The following TET1 variants were observed in gnomAD, a reference collection of about 807,000 sequenced individuals.
TET1 encodes the protein methylcytosine dioxygenase TET1.
TET1 carries 13 observed loss-of-function variants against 148.7 expected under a neutral mutation model. The ratio of observed to expected loss-of-function variants is 0.09; its 90% CI spans 0.06 to 0.14. The LOEUF is 0.14. Among genes scored for constraint, TET1 ranks in the 10% least tolerant of loss-of-function variants. TET1 has a pLI of 1.00. For synonymous variants in TET1, 907 were observed against 937.2 expected (o/e 0.97, Z 0.59); for missense variants, 2,182 against 2,553.8 (o/e 0.85, Z 3.14).
intron 2 of TET1, among the ~76,000 whole-genome samples, chr10:68,575,797 C>T (rs1268867190): frequency 1.3e-5 from 2 of 149,646 alleles, no homozygotes; most frequent in Non-Finnish European, 3.0e-5. Context: ...CGAGGTGGGC[C>T]GATCACAAGG....
chr10:68,595,611 TC>T lies in TET1; in HGVS notation c.1915-5369del, dbSNP rs1292572303. On this transcript the variant is annotated intron_variant, in intron 2 of 11. Transcript: ENST00000373644. Reference sequence around the variant, plus strand: ...CCACAACACACACACACACACAGCTTCTTTTTTTTTTTTTTTTTTTTTTGAG... The same window carrying T: ...CCACAACACACACACACACACAGCTTTTTTTTTTTTTTTTTTTTTTTTGAG... Among the ~76,000 whole-genome samples the T allele has an allele frequency of 1.0e-3, 117 of 113,252 alleles. 2 individuals carry two copies. The highest frequency in any genetic ancestry group is 1.7e-3 in the Non-Finnish European group (86 of 50,084). The allele number at this position is 113,252 out of a possible 152,430, so 74.3% of individuals were successfully genotyped here.
intron 2 of TET1, among the ~76,000 whole-genome samples, chr10:68,576,019 C>CAA (rs534082686): frequency 8.5e-5 from 8 of 94,290 alleles, no homozygotes; most frequent in African/African-American, 2.2e-4. Flanking sequence ...GACTCCATCT[C>CAA]AAAAAAAAAA....
chr10:68,641,959 C>T (rs905542468), intron 3 of TET1, among the ~76,000 whole-genome samples: 6 of 152,106 alleles, frequency 3.9e-5, no homozygotes, highest in Admixed American at 1.3e-4. Context: ...CCACTGCATG[C>T]GGCTCTTTGT....
intron 2 of TET1, among the ~76,000 whole-genome samples, chr10:68,592,999 G>T (rs1413622242): frequency 6.6e-6 from 1 of 152,040 alleles, no homozygotes; most frequent in Non-Finnish European, 1.5e-5. Flanking sequence ...ACTTTCAGAG[G>T]CCAAGGCAGG....
intron 3 of TET1, among the ~76,000 whole-genome samples, chr10:68,627,466 G>C (rs1162381290): frequency 6.6e-6 from 1 of 151,680 alleles, no homozygotes; most frequent in Non-Finnish European, 1.5e-5. Flanking sequence ...TATGGTGCTG[G>C]ACGCCTGTAA....
chr10:68,579,030 ACTAC>A (rs1481269149), intron 2 of TET1, among the ~76,000 whole-genome samples: 1 of 152,086 alleles, frequency 6.6e-6, no homozygotes, highest in Non-Finnish European at 1.5e-5. Context: ...AAAAATAATA[ACTAC>A]CTTACTGAAA....
intron 8 of TET1, among the ~76,000 whole-genome samples, chr10:68,678,299 A>G (rs1216539099): frequency 6.6e-6 from 1 of 152,234 alleles, no homozygotes; most frequent in East Asian, 1.9e-4. Context: ...TAGAGGGCAG[A>G]TCAGTAATTC....
Position 68,688,732 on chromosome 10 carries a change from C to T in TET1, c.5404+2025C>T, listed in dbSNP as rs190481231. 3.8e-3 allele frequency among the ~76,000 whole-genome samples: 574 copies of T among 152,202 alleles called. 2 individuals are homozygous for T. The highest frequency in any genetic ancestry group is 0.013 in the African/African-American group (542 of 41,520). Reference sequence around the variant, plus strand: ...GGATTACAGGCGTGAGCCACCGTGCCCGGCCTACTTTCTTAACTTCTATAA... The same window carrying T: ...GGATTACAGGCGTGAGCCACCGTGCTCGGCCTACTTTCTTAACTTCTATAA... On this transcript the variant is annotated intron_variant, in intron 11 of 11. Coordinates refer to ENST00000373644, the MANE Select transcript of TET1 (RefSeq NM_030625.3).
intron 1 of TET1, among the ~76,000 whole-genome samples, chr10:68,564,475 C>T (rs754999751): frequency 2.0e-5 from 3 of 152,002 alleles, no homozygotes; most frequent in Admixed American, 6.6e-5. Context: ...TTGTTTAGGG[C>T]GTCTTGGTGC....
chr10:68,612,397 T>G (rs573372596), intron 3 of TET1, among the ~76,000 whole-genome samples: 1 of 152,038 alleles, frequency 6.6e-6, no homozygotes, highest in Non-Finnish European at 1.5e-5. Context: ...GCCAGTCATT[T>G]TGTTTTAATG....
chr10:68,625,285 C>T (rs79084652), intron 3 of TET1, among the ~76,000 whole-genome samples: 6,183 of 152,168 alleles, frequency 0.041, 427 homozygotes, highest in African/African-American at 0.14. Context: ...TGTCTCAAGC[C>T]GATTTGTTTG....
chr10:68,568,751 T>C lies in TET1; in HGVS notation c.-122-3466T>C, dbSNP rs923739857. ...CTGTGGTCCCAGCTATTCGGGCAGC[T>C]GAGGTGGGAGGATTGCTTGAACCCA... On this transcript the variant is annotated intron_variant, in intron 1 of 11. Transcript: ENST00000373644. Among the ~76,000 whole-genome samples, 7 of 152,184 alleles carry C rather than the reference T, an allele frequency of 4.6e-5. No homozygotes were observed. In the East Asian group the frequency reaches 1.4e-3, roughly 29 times the overall value.
At position 68,572,433 on chromosome 10, in the gene TET1, A is replaced by G. The variant is rs1384511917; in HGVS notation, c.95A>G (p.Lys32Arg). The change falls in exon 2 of 12, where the codon AAG becomes AGG. Residue 32 changes from lysine (K) to arginine (R), a missense_variant. Lys to Arg is a conservative substitution (Grantham distance 26, BLOSUM62 2). Transcript: ENST00000373644. ...AACAGCCAACTACGAAAGACAACCA[A>G]GGGAGCCAACAAAAATGTGGCATCA... ...KKNSQLRKTT[K>R]GANKNVASVK... is the part of the protein sequence containing the mutation. 1 of 1,614,132 alleles carries G rather than the reference A, an allele frequency of 6.2e-7. No individual in the cohort carries two copies. The highest frequency in any genetic ancestry group is 1.1e-5 in the South Asian group (1 of 91,070).
Position 68,667,041 on chromosome 10 carries a change from TC to T in TET1, c.4462-3del. The T allele has an allele frequency of 6.2e-7, 1 of 1,612,660 alleles. No individual in the cohort carries two copies. The highest frequency in any genetic ancestry group is 8.5e-7 in the Non-Finnish European group (1 of 1,179,150). On this transcript the variant is annotated splice_region_variant and splice_polypyrimidine_tract_variant and intron_variant, in intron 6 of 11. Coordinates refer to ENST00000373644, the MANE Select transcript of TET1 (RefSeq NM_030625.3). Reference sequence around the variant, plus strand: ...CCATAGATGAATGTATTCTGTTTTTTCAGGTTTTAAGAAGAAGCAGTGATGA... The same window carrying T: ...CCATAGATGAATGTATTCTGTTTTTTAGGTTTTAAGAAGAAGCAGTGATGA...
chr10:68,617,641 G>T (rs2054312875), intron 3 of TET1, among the ~76,000 whole-genome samples: 1 of 152,014 alleles, frequency 6.6e-6, no homozygotes, highest in South Asian at 2.1e-4. Context: ...CACCTCCCGG[G>T]TTCAAGCGAT....
intron 2 of TET1, among the ~76,000 whole-genome samples, chr10:68,598,991 G>C (rs1033656205): frequency 6.6e-6 from 1 of 151,954 alleles, no homozygotes; most frequent in Non-Finnish European, 1.5e-5. Context: ...CCGGCCAATA[G>C]TTTTTTTCTT....
intron 1 of TET1, among the ~76,000 whole-genome samples, chr10:68,568,098 G>A (rs1344337914): frequency 2.6e-5 from 4 of 151,772 alleles, no homozygotes; most frequent in East Asian, 1.9e-4. Flanking sequence ...AGCTGCTCTC[G>A]AACTCCCAAC....
chr10:68,676,197 T>C (rs1360686238), intron 8 of TET1, among the ~76,000 whole-genome samples: 1 of 114,882 alleles, frequency 8.7e-6, no homozygotes, highest in East Asian at 2.7e-4. Context: ...ATACACAAGA[T>C]ATATATGTAT....
intron 2 of TET1, among the ~76,000 whole-genome samples, chr10:68,582,879 A>C (rs1294936950): frequency 4.6e-5 from 7 of 152,274 alleles, no homozygotes; most frequent in African/African-American, 1.7e-4. Flanking sequence ...GCACCACAGA[A>C]CTGGACTTGG....
Sources: allele counts gnomAD v4.1 joint callset (sites outside exome capture counted in the v4.1 genomes callset), GRCh38; gene constraint gnomAD v4.1.1; transcripts MANE v1.5; gene names NCBI Gene and HGNC (gene_info 2026-07-23, HGNC 2026-07-21).